Variants in SLC25A20 observed in about 807,000 individuals in gnomAD.
The protein encoded by SLC25A20 is mitochondrial carnitine/acylcarnitine carrier protein.
In SLC25A20, 29 loss-of-function variants were observed where a neutral mutation model predicts 39.7. That is an observed-to-expected ratio of 0.73 (90% CI 0.54 to 1.00). The LOEUF is 1.00. SLC25A20 is among the 50% of genes least tolerant of loss of function. The probability of loss-of-function intolerance (pLI) is 0.00; values close to 1 mark genes in which losing one functional copy is unlikely to be tolerated. For synonymous variants in SLC25A20, 103 were observed against 142.2 expected (o/e 0.72, Z 1.96); for missense variants, 333 against 379.9 (o/e 0.88, Z 1.03).
At chr3:48,867,332 G>T (rs970698000) in intron 4 of SLC25A20, among the ~76,000 whole-genome samples, 1 of 151,382 alleles carries the variant, frequency 6.6e-6, no homozygotes, top group Non-Finnish European at 1.5e-5. Flanking sequence ...CACAACCTCT[G>T]CCTCCCGGAT....
chr3:48,866,690 C>CACTCTTGCTCAGGCTCAAGTACAGTG (rs71077744), intron 4 of SLC25A20, among the ~76,000 whole-genome samples: 1 of 151,952 alleles, frequency 6.6e-6, no homozygotes, highest in African/African-American at 2.4e-5. Flanking sequence ...GACAGGTTCC[C>CACTCTTGCTCAGGCTCAAGTACAGTG]GATGATCTCT....
intron 1 of SLC25A20, among the ~76,000 whole-genome samples, chr3:48,897,067 C>A (rs1052823467): frequency 2.2e-5 from 3 of 138,172 alleles, no homozygotes; most frequent in Non-Finnish European, 3.1e-5. Flanking sequence ...TCTTTTTTTT[C>A]TTCTTCTCCT....
At chr3:48,878,851 G>A (rs2083780537) in intron 4 of SLC25A20, among the ~76,000 whole-genome samples, 1 of 151,478 alleles carries the variant, frequency 6.6e-6, no homozygotes, top group Non-Finnish European at 1.5e-5. Flanking sequence ...ATGTTGCCCA[G>A]GCTGGTTTTT....
chr3:48,873,786 T>C (rs971182300), intron 4 of SLC25A20, among the ~76,000 whole-genome samples: 1 of 147,548 alleles, frequency 6.8e-6, no homozygotes, highest in African/African-American at 2.5e-5. Context: ...GAGATCACGG[T>C]GAAACCCCGT....
chr3:48,890,256 G>A (rs182561581), intron 2 of SLC25A20, among the ~76,000 whole-genome samples: 121 of 151,744 alleles, frequency 8.0e-4, no homozygotes, highest in Middle Eastern at 3.4e-3. Flanking sequence ...GCAGGATCTC[G>A]GCTCACTGCA....
chr3:48,885,351 G>A (rs1350676251), intron 2 of SLC25A20, among the ~76,000 whole-genome samples: 1 of 152,072 alleles, frequency 6.6e-6, no homozygotes, highest in African/African-American at 2.4e-5. Context: ...TAAATACCCT[G>A]CCAAACAAGG....
intron 4 of SLC25A20, among the ~76,000 whole-genome samples, 195 bp downstream of exon 4, chr3:48,879,163 C>T (rs1368429027): frequency 6.6e-6 from 1 of 152,078 alleles, no homozygotes; most frequent in Non-Finnish European, 1.5e-5. Flanking sequence ...AACCACTGCA[C>T]CTGGCCCCCA....
At chr3:48,857,947 A>G (rs1027982627) in intron 8 of SLC25A20, among the ~76,000 whole-genome samples, 175 bp from the exon 9 acceptor site, 1 of 149,778 alleles carries the variant, frequency 6.7e-6, no homozygotes, top group African/African-American at 2.5e-5. Flanking sequence ...AAGAAAATTT[A>G]TATTCCACAA....
At chr3:48,873,736 T>C (rs1251160811) in intron 4 of SLC25A20, among the ~76,000 whole-genome samples, 1 of 151,354 alleles carries the variant, frequency 6.6e-6, no homozygotes, top group Non-Finnish European at 1.5e-5. Flanking sequence ...TCCCAGCACT[T>C]TGGGAGGCGG....
chr3:48,859,994 C>T (rs2083611895), intron 5 of SLC25A20, among the ~76,000 whole-genome samples: 1 of 152,126 alleles, frequency 6.6e-6, no homozygotes. Context: ...TGGCGAAAGC[C>T]TCGTCTCTAC....
intron 3 of SLC25A20, among the ~76,000 whole-genome samples, chr3:48,882,732 T>C (rs1368525717): frequency 3.3e-5 from 5 of 151,872 alleles, no homozygotes; most frequent in Non-Finnish European, 7.4e-5. Flanking sequence ...CTAAAAAAAA[T>C]TTAAAAATTA....
intron 2 of SLC25A20, among the ~76,000 whole-genome samples, chr3:48,887,775 G>A (rs1335529577): frequency 5.3e-5 from 8 of 152,078 alleles, no homozygotes; most frequent in South Asian, 2.1e-4. Context: ...GGTGGCAGAC[G>A]CTTGTAGTCC....
chr3:48,877,313 C>T (rs1559668364), intron 4 of SLC25A20, among the ~76,000 whole-genome samples: 1 of 151,972 alleles, frequency 6.6e-6, no homozygotes, highest in East Asian at 1.9e-4. Context: ...ATTCAGGAGG[C>T]TAAGGCAGAA....
At chr3:48,877,602 A>C (rs890221873) in intron 4 of SLC25A20, among the ~76,000 whole-genome samples, 2 of 147,254 alleles carry the variant, frequency 1.4e-5, no homozygotes, top group African/African-American at 5.1e-5. Context: ...GGTGGCGCAC[A>C]CCTGTAGTCT....
At chr3:48,871,785 AAGAG>A (rs1300351637) in intron 4 of SLC25A20, among the ~76,000 whole-genome samples, 3 of 150,658 alleles carry the variant, frequency 2.0e-5, no homozygotes, top group East Asian at 2.0e-4. Context: ...AAAAAAAAAA[AAGAG>A]AGAGAGAGAA....
At chr3:48,875,598 C>T (rs768442326) in intron 4 of SLC25A20, among the ~76,000 whole-genome samples, 5 of 152,004 alleles carry the variant, frequency 3.3e-5, no homozygotes, top group East Asian at 1.9e-4. Context: ...TTGGTAGAGA[C>T]GGGGTTTCTC....
At chr3:48,857,955 C>G (rs1212113631) in intron 8 of SLC25A20, among the ~76,000 whole-genome samples, 183 bp from the exon 9 acceptor site, 1 of 151,528 alleles carries the variant, frequency 6.6e-6, no homozygotes, top group African/African-American at 2.4e-5. Flanking sequence ...TTATATTCCA[C>G]AACTGCCCAC....
intron 4 of SLC25A20, among the ~76,000 whole-genome samples, chr3:48,875,352 G>A (rs1281380282): frequency 1.3e-5 from 2 of 151,874 alleles, no homozygotes; most frequent in African/African-American, 2.4e-5. Flanking sequence ...CCACCCCCTC[G>A]GCCTCCTAAA....
At chr3:48,870,336 G>T (rs1231399098) in intron 4 of SLC25A20, among the ~76,000 whole-genome samples, 4 of 152,076 alleles carry the variant, frequency 2.6e-5, no homozygotes, top group African/African-American at 9.7e-5. Context: ...AGGAGGCGGA[G>T]GTTGCAGTAA....
Sources: allele counts gnomAD v4.1 joint callset (sites outside exome capture counted in the v4.1 genomes callset), GRCh38; gene constraint gnomAD v4.1.1; transcripts MANE v1.5; gene names NCBI Gene and HGNC (gene_info 2026-07-23, HGNC 2026-07-21).